Variants in CSMD3 observed in about 807,000 individuals in gnomAD.
CSMD3 encodes CUB and sushi domain-containing protein 3.
CSMD3 carries 177 observed loss-of-function variants against 435.2 expected under a neutral mutation model. That is an observed-to-expected ratio of 0.41 (90% confidence interval 0.36 to 0.46). CSMD3 has a LOEUF of 0.46. Among genes scored for constraint, CSMD3 ranks in the 20% least tolerant of loss-of-function variants. The pLI, the probability that CSMD3 is intolerant of heterozygous loss-of-function variation, is 0.34. For missense variants in CSMD3, 4,265 were observed against 4,504.6 expected, an observed-to-expected ratio of 0.95 and a Z score of 1.52; for synonymous variants, 1,656 against 1,520.5, an observed-to-expected ratio of 1.09 and a Z score of -2.07.
Position 112,265,403 on chromosome 8 carries a change from T to A in CSMD3, c.9688+8A>T, listed in dbSNP as rs2130408799. The A allele has an allele frequency of 6.3e-7, 1 of 1,597,452 alleles. No individual in the cohort carries two copies. The highest frequency in any genetic ancestry group is 1.1e-5 in the South Asian group (1 of 90,730). On this transcript the variant is annotated splice_region_variant and intron_variant, in intron 60 of 70. Transcript: ENST00000297405. ...CATTTTTAAATGTTGAAGAAATCAT[T>A]ATCATACCTCTACAAGTTGGCATTA...
intron 32 of CSMD3, among the ~76,000 whole-genome samples, chr8:112,441,134 C>T (rs1814964544): frequency 6.6e-6 from 1 of 152,096 alleles, no homozygotes; most frequent in African/African-American, 2.4e-5. Flanking sequence ...GCAAATTCTT[C>T]CACCAGATAC....
Position 112,263,733 on chromosome 8 carries a change from G to A in CSMD3, c.9768C>T (p.Ser3256=), listed in dbSNP as rs2130383811. 1.2e-6 allele frequency: 2 copies of A among 1,613,756 alleles called. No individual in the cohort carries two copies. The highest frequency in any genetic ancestry group is 1.3e-5 in the African/African-American group (1 of 75,010). ...GCTCATAGCCTGGAGAACAGATGTA[G>A]CTAATACTAAAGCCCCAGTCGAAAT... ...GTNFDWGFSI[S]YICSPGYELS... Residue 3256 remains serine, a synonymous_variant, in exon 61 of 71, where the codon AGC becomes AGT. Coordinates refer to ENST00000297405, the MANE Select transcript of CSMD3 (RefSeq NM_198123.2).
chr8:113,163,371 G>T (rs1456907100), intron 4 of CSMD3, among the ~76,000 whole-genome samples: 3 of 152,016 alleles, frequency 2.0e-5, no homozygotes, highest in Non-Finnish European at 4.4e-5. Context: ...TTTAGAAAGA[G>T]CTGTGTGTGT....
Position 112,740,283 on chromosome 8 carries a change from A to G in CSMD3, c.1973-50233T>C, listed in dbSNP as rs2077274908. On this transcript the variant is annotated intron_variant, in intron 13 of 70. Transcript: ENST00000297405. ...CCATTTCTAATAAGTAGTTTTCCTT[A>G]CAACCTCTTGGCCATGTTTTGATGA... Among the ~76,000 whole-genome samples, 3 of 151,864 alleles carry G rather than the reference A, an allele frequency of 2.0e-5. No individual in the cohort carries two copies. In the South Asian group the frequency reaches 6.2e-4, roughly 31 times the overall value.
intron 61 of CSMD3, among the ~76,000 whole-genome samples, chr8:112,261,431 C>A (rs1433792105): frequency 1.3e-5 from 2 of 151,986 alleles, no homozygotes; most frequent in Non-Finnish European, 2.9e-5. Flanking sequence ...CATCCCTTTT[C>A]TTAGGCCCAG....
At chr8:113,422,057 C>G (rs887652813) in intron 1 of CSMD3, among the ~76,000 whole-genome samples, 5 of 152,100 alleles carry the variant, frequency 3.3e-5, no homozygotes, top group Non-Finnish European at 7.4e-5. Flanking sequence ...CACTTATCTC[C>G]CCCTGTAAAT....
At chr8:113,200,163 G>T (rs1052786209) in intron 3 of CSMD3, among the ~76,000 whole-genome samples, 5 of 151,912 alleles carry the variant, frequency 3.3e-5, no homozygotes, top group Admixed American at 6.6e-5. Context: ...AAAGGAGAAA[G>T]TTGGGAATTG....
chr8:112,607,116 C>A (rs2131447035), intron 22 of CSMD3, among the ~76,000 whole-genome samples: 1 of 150,198 alleles, frequency 6.7e-6, no homozygotes, highest in African/African-American at 2.4e-5. Context: ...AAAAAATAAG[C>A]CAAATTTGTA....
intron 16 of CSMD3, among the ~76,000 whole-genome samples, chr8:112,681,861 G>A (rs895183526): frequency 9.9e-5 from 15 of 151,694 alleles, no homozygotes; most frequent in Non-Finnish European, 2.1e-4. Flanking sequence ...AGTGAGAATC[G>A]GTTTAAAAAT....
intron 23 of CSMD3, among the ~76,000 whole-genome samples, chr8:112,581,634 G>A (rs915499353): frequency 6.6e-6 from 1 of 151,996 alleles, no homozygotes; most frequent in South Asian, 2.1e-4. Flanking sequence ...AGAAAAGAAT[G>A]TTTATGGAGC....
At chr8:112,380,520 A>G in intron 37 of CSMD3, 64 bp from the exon 38 acceptor site, 1 of 866,878 alleles carries the variant, frequency 1.2e-6, no homozygotes, top group Non-Finnish European at 2.0e-6. Context: ...AAAATTAAGT[A>G]AGTTTACTAA....
At position 112,599,346 on chromosome 8, in the gene CSMD3, A is replaced by G. The variant is rs372559784; in HGVS notation, c.3716-12111T>C. Among the ~76,000 whole-genome samples the G allele has an allele frequency of 2.0e-3, 292 of 148,100 alleles. 2 individuals carry two copies. Among genetic ancestry groups the G allele is most frequent in the Non-Finnish European group, 2.9e-3 (195 of 66,396 alleles). Reference sequence around the variant, plus strand: ...ACCATCTCACACCAGTTAGAATGGCAATCATTAAAAAGTCAGGAAACAACA... The same window carrying G: ...ACCATCTCACACCAGTTAGAATGGCGATCATTAAAAAGTCAGGAAACAACA... On this transcript the variant is annotated intron_variant, in intron 22 of 70. Transcript: ENST00000297405.
chr8:112,392,870 T>TC (rs1563885447), intron 35 of CSMD3, among the ~76,000 whole-genome samples: 1 of 141,178 alleles, frequency 7.1e-6, no homozygotes, highest in African/African-American at 3.0e-5. Flanking sequence ...TTTTCTTTTT[T>TC]TTTTTTTTTT....
chr8:112,430,912 G>GTA (rs1813628230), intron 32 of CSMD3, among the ~76,000 whole-genome samples: 2 of 151,886 alleles, frequency 1.3e-5, no homozygotes, highest in South Asian at 2.1e-4. Flanking sequence ...GTGTGTGTGT[G>GTA]TGTGTGTGTT....
intron 32 of CSMD3, among the ~76,000 whole-genome samples, chr8:112,413,345 CA>C (rs1811558620): frequency 6.6e-6 from 1 of 152,128 alleles, no homozygotes; most frequent in African/African-American, 2.4e-5. Context: ...AGAAAGTTTG[CA>C]TAACATAAAT....
chr8:112,720,059 C>T (rs1202145146), intron 13 of CSMD3, among the ~76,000 whole-genome samples: 1 of 152,130 alleles, frequency 6.6e-6, no homozygotes, highest in Non-Finnish European at 1.5e-5. Flanking sequence ...AGGCAAATCC[C>T]TTTGTCCAGT....
At chr8:112,819,021 T>A (rs779448310) in intron 12 of CSMD3, among the ~76,000 whole-genome samples, 1 of 152,298 alleles carries the variant, frequency 6.6e-6, no homozygotes, top group South Asian at 2.1e-4. Context: ...TGCAAAGCAC[T>A]GTTCTAGAAC....
intron 16 of CSMD3, among the ~76,000 whole-genome samples, chr8:112,676,205 G>A (rs1386115135): frequency 4.6e-5 from 7 of 152,112 alleles, no homozygotes; most frequent in Non-Finnish European, 7.4e-5. Context: ...ACATTTCAGG[G>A]CAGAGAACCA....
chr8:112,719,191 G>T (rs2076801537), intron 13 of CSMD3, among the ~76,000 whole-genome samples: 1 of 152,112 alleles, frequency 6.6e-6, no homozygotes, highest in Non-Finnish European at 1.5e-5. Context: ...TTAGAGGTCA[G>T]ATTAGAAGAC....
Sources: allele counts gnomAD v4.1 joint callset (sites outside exome capture counted in the v4.1 genomes callset), GRCh38; gene constraint gnomAD v4.1.1; transcripts MANE v1.5; gene names NCBI Gene and HGNC (gene_info 2026-07-23, HGNC 2026-07-21).